ARPC1A: variants seen among roughly 807,000 people sequenced by gnomAD.
ARPC1A encodes actin-related protein 2/3 complex subunit 1A.
Under a neutral mutation model 46.9 loss-of-function variants are expected in ARPC1A, and 8 were observed. The observed-to-expected ratio is 0.17, with a 90% CI of 0.10 to 0.31. ARPC1A has a LOEUF of 0.31. Among genes scored for constraint, ARPC1A ranks in the 10% least tolerant of loss-of-function variants. The probability of loss-of-function intolerance (pLI) is 1.00; values close to 1 mark genes in which losing one functional copy is unlikely to be tolerated. For synonymous variants in ARPC1A, 152 were observed against 169.0 expected, an observed-to-expected ratio of 0.90 and a Z score of 0.78; for missense variants, 286 against 483.6, an observed-to-expected ratio of 0.59 and a Z score of 3.83.
intron 3 of ARPC1A, chr7:99,339,883 T>C: frequency 4.6e-6 from 2 of 435,646 alleles, no homozygotes; most frequent in South Asian, 1.6e-5. Flanking sequence ...AGTGCAGTGT[T>C]GCCAGGCCTC....
intron 8 of ARPC1A, among the ~76,000 whole-genome samples, chr7:99,362,660 T>C (rs1042922855): frequency 6.6e-6 from 1 of 151,808 alleles, no homozygotes. Context: ...TTTTTTTTTT[T>C]ATTTAAGCTC....
chr7:99,326,163 G>GGGATCCCCTTTCTCCGT (rs1174527851), intron 1 of ARPC1A, among the ~76,000 whole-genome samples, 159 bp downstream of exon 1: 3 of 152,274 alleles, frequency 2.0e-5, no homozygotes, highest in African/African-American at 7.2e-5. Flanking sequence ...TGAGGGGGCG[G>GGGATCCCCTTTCTCCGT]GGATCCCCTT....
chr7:99,339,948 C>G, intron 3 of ARPC1A: 1 of 455,644 alleles, frequency 2.2e-6, no homozygotes. Flanking sequence ...TTTTCCCACA[C>G]CCCGCCACAT....
intron 2 of ARPC1A, among the ~76,000 whole-genome samples, chr7:99,337,443 C>A (rs1199977156): frequency 1.3e-5 from 2 of 152,046 alleles, no homozygotes; most frequent in Non-Finnish European, 2.9e-5. Context: ...AAATGAAAAT[C>A]TGAAATCCAA....
intron 8 of ARPC1A, chr7:99,359,947 C>T: frequency 1.6e-6 from 1 of 616,626 alleles, no homozygotes; most frequent in Non-Finnish European, 2.8e-6. Flanking sequence ...CCTGGTCATT[C>T]TGTCCTTCAA....
intron 5 of ARPC1A, among the ~76,000 whole-genome samples, chr7:99,352,825 A>T (rs1274025182): frequency 6.6e-6 from 1 of 150,666 alleles, no homozygotes; most frequent in Non-Finnish European, 1.5e-5. Flanking sequence ...TTAGCCAGGC[A>T]TGGTGGCACA....
At chr7:99,365,589 G>A (rs1231816117) in intron 9 of ARPC1A, among the ~76,000 whole-genome samples, 1 of 151,624 alleles carries the variant, frequency 6.6e-6, no homozygotes. Flanking sequence ...ACTCCAGCCT[G>A]GGGCAACAGA....
chr7:99,349,032 T>C, intron 5 of ARPC1A, 73 bp downstream of exon 5: 3 of 1,430,164 alleles, frequency 2.1e-6, no homozygotes, highest in South Asian at 2.4e-5. Flanking sequence ...TTAGGTTCTC[T>C]TTCTTTGTTT....
chr7:99,335,625 G>A (rs1793234837), intron 2 of ARPC1A: 1 of 300,550 alleles, frequency 3.3e-6, no homozygotes, highest in South Asian at 2.5e-5. Flanking sequence ...GATTTTGACA[G>A]AGATTACTTT....
chr7:99,365,612 C>CT (rs1204525114), intron 9 of ARPC1A, among the ~76,000 whole-genome samples: 1 of 145,538 alleles, frequency 6.9e-6, no homozygotes, highest in African/African-American at 2.5e-5. Flanking sequence ...AAGACCCTAT[C>CT]TTTAAAAAAA....
Position 99,338,378 on chromosome 7 carries a change from A to ATTTTTTTTT in ARPC1A, c.169+110_169+118dup, listed in dbSNP as rs754747240. 1,508 of 242,952 alleles carry ATTTTTTTTT rather than the reference A, an allele frequency of 6.2e-3. 149 individuals are homozygous for ATTTTTTTTT. Among genetic ancestry groups the ATTTTTTTTT allele is most frequent in the African/African-American group, 0.06 (1,265 of 21,018 alleles). The allele number at this position is 242,952 out of a possible 1,614,324, so 15.0% of individuals were successfully genotyped here. ...AGCCTAATAAACCCAGGTGGCCATA[A>ATTTTTTTTT]TTTTTTTTTTTTTTTTTTTTTTTTT... is the stretch of plus-strand genomic sequence containing the variant. On this transcript the variant is annotated intron_variant, in intron 3 of 9. Coordinates refer to ENST00000262942, the MANE Select transcript of ARPC1A (RefSeq NM_006409.4).
chr7:99,332,562 T>C (rs914141454), intron 1 of ARPC1A, among the ~76,000 whole-genome samples: 2 of 152,102 alleles, frequency 1.3e-5, no homozygotes, highest in African/African-American at 4.8e-5. Flanking sequence ...GTTGTTACAA[T>C]GCTAGATTTA....
Position 99,358,334 on chromosome 7 carries a change from G to T in ARPC1A, c.714-6G>T, listed in dbSNP as rs771774108. 1 of 1,613,684 alleles carries T rather than the reference G, an allele frequency of 6.2e-7. No individual in the cohort carries two copies. The highest frequency in any genetic ancestry group is 1.1e-5 in the South Asian group (1 of 91,072). ...ATCTTGGGATAACACATGTTCTTGT[G>T]TTCAGGGTCTCGACTCTGAAGACAG... is the stretch of plus-strand genomic sequence containing the variant. On this transcript the variant is annotated splice_region_variant and splice_polypyrimidine_tract_variant and intron_variant, in intron 6 of 9. Coordinates refer to ENST00000262942, the MANE Select transcript of ARPC1A (RefSeq NM_006409.4).
At chr7:99,344,544 C>G in intron 4 of ARPC1A, 29 bp downstream of exon 4, 1 of 1,606,600 alleles carries the variant, frequency 6.2e-7, no homozygotes, top group Non-Finnish European at 8.5e-7. Flanking sequence ...TTTTCTATCC[C>G]TCTCTATAGA....
intron 7 of ARPC1A, 121 bp downstream of exon 7, chr7:99,358,536 C>CTT (rs5886103): frequency 0.015 from 4,860 of 316,868 alleles, 2 homozygotes; most frequent in Middle Eastern, 0.024. Context: ...ACAGAGCTCA[C>CTT]TTTTTTTTTT....
intron 4 of ARPC1A, among the ~76,000 whole-genome samples, chr7:99,345,199 TG>T (rs2150866159): frequency 6.6e-6 from 1 of 152,096 alleles, no homozygotes; most frequent in South Asian, 2.1e-4. Flanking sequence ...CCCAAAGTGC[TG>T]GGATTACAGG....
intron 1 of ARPC1A, among the ~76,000 whole-genome samples, chr7:99,329,724 C>T (rs116720814): frequency 6.6e-6 from 1 of 152,206 alleles, no homozygotes. Context: ...ATGGCCACCT[C>T]TTTTGAAGTC....
rs1295582452 is a variant in ARPC1A, at chr7:99,354,488, TCCAG to T, written c.713+370_713+373del. On this transcript the variant is annotated intron_variant, in intron 6 of 9. Coordinates refer to ENST00000262942, the MANE Select transcript of ARPC1A (RefSeq NM_006409.4). ...GTGAGCCAAGATCATGCCACTGTACTCCAGCCTGGGCGACAGAGTAAGACTCCGT... is the reference window on the plus strand; with the variant it reads ...GTGAGCCAAGATCATGCCACTGTACTCCTGGGCGACAGAGTAAGACTCCGT... Among the ~76,000 whole-genome samples the T allele has an allele frequency of 3.1e-5, 4 of 127,336 alleles. No individual in the cohort carries two copies. In the East Asian group the frequency reaches 9.8e-4, roughly 31 times the overall value. 83.5% of individuals were successfully genotyped at this position (127,336 alleles called of 152,430 possible).
intron 3 of ARPC1A, among the ~76,000 whole-genome samples, chr7:99,338,789 C>T (rs149658369): frequency 2.6e-4 from 39 of 152,198 alleles, no homozygotes; most frequent in African/African-American, 8.7e-4. Flanking sequence ...CCAGCTGGTA[C>T]CCAGCACTCT....
Sources: gnomAD v4.1 joint callset for allele counts (sites outside exome capture counted in the v4.1 genomes callset) on GRCh38, gnomAD v4.1.1 for gene constraint, MANE v1.5 for transcripts, NCBI Gene and HGNC (gene_info 2026-07-23, HGNC 2026-07-21) for gene names.